Variants in ITCH observed in about 807,000 individuals in gnomAD.
The protein encoded by ITCH is E3 ubiquitin-protein ligase Itchy homolog.
ITCH carries 28 observed loss-of-function variants against 126.8 expected under a neutral mutation model. The ratio of observed to expected loss-of-function variants is 0.22; its 90% confidence interval spans 0.16 to 0.30. ITCH has a LOEUF of 0.30. ITCH is among the 10% of genes least tolerant of loss of function. ITCH has a pLI of 1.00. For synonymous variants in ITCH, 342 were observed against 340.0 expected (o/e 1.01, Z -0.06); for missense variants, 631 against 1,032.4 (o/e 0.61, Z 5.33).
intron 24 of ITCH, among the ~76,000 whole-genome samples, chr20:34,506,970 G>C (rs955663978): frequency 1.3e-5 from 2 of 152,040 alleles, no homozygotes; most frequent in Non-Finnish European, 2.9e-5. Flanking sequence ...ACATTCATCT[G>C]TCCATGGACA....
intron 14 of ITCH, among the ~76,000 whole-genome samples, chr20:34,464,837 A>G (rs535463272): frequency 6.6e-6 from 1 of 151,898 alleles, no homozygotes; most frequent in East Asian, 1.9e-4. Flanking sequence ...CAGCCTCCTG[A>G]GTAGCTGGGG....
At chr20:34,477,383 A>T (rs2146455043) in intron 16 of ITCH, among the ~76,000 whole-genome samples, 1 of 152,246 alleles carries the variant, frequency 6.6e-6, no homozygotes, top group Admixed American at 6.5e-5. Context: ...ATACAAAATT[A>T]GCCGGGCGTG....
At chr20:34,470,410 T>A (rs1243738255) in intron 15 of ITCH, among the ~76,000 whole-genome samples, 1 of 144,478 alleles carries the variant, frequency 6.9e-6, no homozygotes, top group Non-Finnish European at 1.5e-5. Context: ...TATTGAGGCC[T>A]TACCTCTGTA....
At chr20:34,402,457 G>A in intron 3 of ITCH, 1 of 769,000 alleles carries the variant, frequency 1.3e-6, no homozygotes, top group Non-Finnish European at 2.4e-6. Context: ...ATGGAGAGAT[G>A]GAGAGACCAC....
chr20:34,440,476 T>G, intron 9 of ITCH, 132 bp downstream of exon 9: 1 of 753,644 alleles, frequency 1.3e-6, no homozygotes, highest in East Asian at 2.7e-5. Flanking sequence ...TCTTTTTTTT[T>G]TGAGATGGAG....
In ITCH at chr20:34,489,365, C is replaced by T. The variant is rs1429578301; in HGVS notation, c.2193C>T (p.Tyr731=). The T allele has an allele frequency of 6.2e-7, 1 of 1,612,944 alleles. No homozygotes were observed. The highest frequency in any genetic ancestry group is 2.2e-5 in the East Asian group (1 of 44,820). ...NEILPQQYLQ[Y]FDAKELEVLL... The stretch of plus-strand genomic sequence containing the variant: ...TTCTTCCCCAGCAATATTTGCAATA[C>T]TTTGATGCAAAGGAATTAGAGGTAA... Residue 731 remains tyrosine (Y), a synonymous_variant, in exon 21 of 25, where the codon TAC becomes TAT. Transcript: ENST00000374864.
At chr20:34,381,503 C>G (rs1166600800) in intron 2 of ITCH, among the ~76,000 whole-genome samples, 2 of 151,768 alleles carry the variant, frequency 1.3e-5, no homozygotes, top group Non-Finnish European at 1.5e-5. Flanking sequence ...CTCTGCTCAC[C>G]GCAACCTCCG....
chr20:34,376,403 AT>A (rs1289325786), intron 2 of ITCH, among the ~76,000 whole-genome samples: 1 of 151,876 alleles, frequency 6.6e-6, no homozygotes, highest in Non-Finnish European at 1.5e-5. Flanking sequence ...TGTCACTGAT[AT>A]GTCACTGCAC....
intron 14 of ITCH, among the ~76,000 whole-genome samples, chr20:34,464,956 C>T (rs1009522048): frequency 6.6e-6 from 1 of 152,064 alleles, no homozygotes; most frequent in Non-Finnish European, 1.5e-5. Flanking sequence ...TGATCCACAC[C>T]CCCTCAGCCT....
At chr20:34,500,714 A>T (rs951159343) in intron 23 of ITCH, among the ~76,000 whole-genome samples, 1 of 152,124 alleles carries the variant, frequency 6.6e-6, no homozygotes, top group Non-Finnish European at 1.5e-5. Flanking sequence ...CATTTTTAAA[A>T]TTACTTTCTG....
intron 2 of ITCH, among the ~76,000 whole-genome samples, chr20:34,392,885 G>A (rs960939271): frequency 6.6e-6 from 1 of 152,038 alleles, no homozygotes; most frequent in Non-Finnish European, 1.5e-5. Context: ...CCCGGGAGGC[G>A]CTCCAGAACA....
At chr20:34,462,457 A>G (rs1283014244) in intron 14 of ITCH, among the ~76,000 whole-genome samples, 1 of 152,170 alleles carries the variant, frequency 6.6e-6, no homozygotes, top group South Asian at 2.1e-4. Flanking sequence ...TTTAGAATTT[A>G]TAGGTATTGT....
intron 4 of ITCH, 100 bp downstream of exon 4, chr20:34,408,892 G>GTTC: frequency 8.5e-7 from 1 of 1,173,928 alleles, no homozygotes. Context: ...TGTTGTTGTT[G>GTTC]TTCCTCCTTT....
At chr20:34,449,966 G>C (rs1428426672) in intron 12 of ITCH, among the ~76,000 whole-genome samples, 1 of 151,988 alleles carries the variant, frequency 6.6e-6, no homozygotes, top group East Asian at 1.9e-4. Context: ...ACATAAGGGG[G>C]TTTTACGTGA....
intron 10 of ITCH, among the ~76,000 whole-genome samples, chr20:34,444,060 A>C (rs575476031): frequency 3.9e-5 from 6 of 152,330 alleles, no homozygotes; most frequent in Admixed American, 3.9e-4. Flanking sequence ...ATCCTAAAGA[A>C]ACAATTCAAA....
chr20:34,432,898 A>G (rs1487454219), intron 7 of ITCH, among the ~76,000 whole-genome samples: 1 of 152,238 alleles, frequency 6.6e-6, no homozygotes, highest in Non-Finnish European at 1.5e-5. Flanking sequence ...TGGAGGTTGC[A>G]GTGAGCTGAA....
chr20:34,412,730 T>C (rs1979214618), intron 5 of ITCH, 91 bp downstream of exon 5: 5 of 1,089,700 alleles, frequency 4.6e-6, no homozygotes, highest in Non-Finnish European at 1.4e-6. Flanking sequence ...ACTCATGTTC[T>C]CTCATACTTT....
rs141359228 is a variant in ITCH, at chr20:34,367,046, C to G, written c.-98-2348C>G. ...AGGGCTCCTTTTCTGTCAAAAGAAC[C>G]CATTAGCAAGTCTGAATAATATTGC... is the stretch of plus-strand genomic sequence containing the variant. On this transcript the variant is annotated intron_variant, in intron 1 of 24. Coordinates refer to ENST00000374864, the MANE Select transcript of ITCH (RefSeq NM_031483.7). 4.6e-3 allele frequency among the ~76,000 whole-genome samples: 692 copies of G among 152,030 alleles called. 5 individuals carry two copies. Among genetic ancestry groups the G allele is most frequent in the African/African-American group, 0.016 (656 of 41,466 alleles).
chr20:34,438,702 A>C, intron 8 of ITCH, 71 bp downstream of exon 8: 1 of 1,545,848 alleles, frequency 6.5e-7, no homozygotes, highest in Non-Finnish European at 8.9e-7. Context: ...GGTAAGTGTC[A>C]GGAAATTCTT....
Sources: gnomAD v4.1 joint callset for allele counts (sites outside exome capture counted in the v4.1 genomes callset) on GRCh38, gnomAD v4.1.1 for gene constraint, MANE v1.5 for transcripts, NCBI Gene and HGNC (gene_info 2026-07-23, HGNC 2026-07-21) for gene names.